PPM1L: variants seen among roughly 807,000 people sequenced by gnomAD.
The protein encoded by PPM1L is protein phosphatase 1L.
PPM1L carries 13 observed loss-of-function variants against 31.4 expected under a neutral mutation model. That is an observed-to-expected ratio of 0.41 (90% CI 0.27 to 0.66). The LOEUF (loss-of-function observed/expected upper bound fraction) is 0.66. PPM1L is among the 30% of genes least tolerant of loss of function. The pLI, the probability that PPM1L is intolerant of heterozygous loss-of-function variation, is 0.29. For missense variants in PPM1L, 326 were observed against 453.7 expected, an observed-to-expected ratio of 0.72 and a Z score of 2.56; for synonymous variants, 184 against 175.4, an observed-to-expected ratio of 1.05 and a Z score of -0.39.
intron 1 of PPM1L, among the ~76,000 whole-genome samples, chr3:160,909,070 T>C (rs1713862835): frequency 6.6e-6 from 1 of 152,228 alleles, no homozygotes; most frequent in Non-Finnish European, 1.5e-5. Context: ...GGCTAAATTG[T>C]CAAGGTCCTG....
chr3:160,816,900 T>G (rs908635164), intron 1 of PPM1L, among the ~76,000 whole-genome samples: 1 of 152,126 alleles, frequency 6.6e-6, no homozygotes, highest in Non-Finnish European at 1.5e-5. Context: ...CTGTTATGTC[T>G]GAGTCTTTTT....
chr3:161,058,026 C>A (rs1719461849), intron 2 of PPM1L, among the ~76,000 whole-genome samples: 1 of 150,120 alleles, frequency 6.7e-6, no homozygotes, highest in South Asian at 2.1e-4. Flanking sequence ...TTAATCCAAA[C>A]GTCTTGTTTT....
chr3:160,822,787 T>A (rs1431251316), intron 1 of PPM1L, among the ~76,000 whole-genome samples: 2 of 152,142 alleles, frequency 1.3e-5, no homozygotes, highest in South Asian at 2.1e-4. Flanking sequence ...TTTGTTACAT[T>A]TATTTAACAA....
At chr3:160,964,267 A>G (rs138903901) in intron 2 of PPM1L, among the ~76,000 whole-genome samples, 2 of 152,052 alleles carry the variant, frequency 1.3e-5, no homozygotes, top group East Asian at 1.9e-4. Flanking sequence ...CTAATAGCCT[A>G]TTGTTGACCA....
At chr3:161,067,467 C>T (rs1328035271) in intron 3 of PPM1L, among the ~76,000 whole-genome samples, 1 of 152,226 alleles carries the variant, frequency 6.6e-6, no homozygotes, top group East Asian at 1.9e-4. Context: ...TAAGGTCCAG[C>T]CAGTCTGGGC....
intron 1 of PPM1L, among the ~76,000 whole-genome samples, chr3:160,843,321 A>C (rs1026787798): frequency 2.0e-5 from 3 of 150,328 alleles, no homozygotes; most frequent in African/African-American, 7.3e-5. Context: ...CCCGCGGTCC[A>C]TGTGCCATAT....
At chr3:161,066,778 C>T (rs975824372) in intron 3 of PPM1L, among the ~76,000 whole-genome samples, 6 of 152,134 alleles carry the variant, frequency 3.9e-5, no homozygotes, top group African/African-American at 1.2e-4. Flanking sequence ...CATTGACTCT[C>T]GATCTCTACA....
intron 2 of PPM1L, among the ~76,000 whole-genome samples, chr3:161,015,745 A>G (rs1410229200): frequency 2.0e-5 from 3 of 152,212 alleles, no homozygotes; most frequent in African/African-American, 7.2e-5. Context: ...GGATGGGCTA[A>G]TTAAAACCTG....
intron 2 of PPM1L, among the ~76,000 whole-genome samples, chr3:161,044,475 G>A (rs1411652671): frequency 7.9e-5 from 12 of 151,848 alleles, no homozygotes; most frequent in Admixed American, 7.9e-4. Flanking sequence ...CCAGCTGGGT[G>A]CAACTCTAAT....
chr3:160,965,374 G>A (rs1015587998), intron 2 of PPM1L, among the ~76,000 whole-genome samples: 2 of 152,072 alleles, frequency 1.3e-5, no homozygotes, highest in African/African-American at 4.8e-5. Flanking sequence ...TGGTGCAAAA[G>A]TGATACACAT....
intron 1 of PPM1L, among the ~76,000 whole-genome samples, chr3:160,790,384 T>G (rs937198406): frequency 2.6e-5 from 4 of 152,148 alleles, no homozygotes; most frequent in East Asian, 3.8e-4. Context: ...TAAAAGTATT[T>G]TATCAGGGTA....
intron 1 of PPM1L, among the ~76,000 whole-genome samples, chr3:160,954,348 G>A (rs980959609): frequency 2.0e-5 from 3 of 151,408 alleles, no homozygotes; most frequent in Non-Finnish European, 2.9e-5. Context: ...TCACACATGA[G>A]GTATACAAAC....
At chr3:160,771,451 T>G (rs773294121) in intron 1 of PPM1L, among the ~76,000 whole-genome samples, 4 of 151,174 alleles carry the variant, frequency 2.6e-5, no homozygotes, top group Non-Finnish European at 5.9e-5. Flanking sequence ...CCATGTTGCC[T>G]AGGCTGGTCT....
At chr3:160,904,495 G>A (rs1261230566) in intron 1 of PPM1L, among the ~76,000 whole-genome samples, 4 of 152,136 alleles carry the variant, frequency 2.6e-5, no homozygotes, top group African/African-American at 9.7e-5. Context: ...TATTTCTCAA[G>A]TTTTCTAATT....
chr3:160,797,475 G>T (rs1001032399), intron 1 of PPM1L, among the ~76,000 whole-genome samples: 1 of 152,188 alleles, frequency 6.6e-6, no homozygotes, highest in African/African-American at 2.4e-5. Context: ...GTGAAAGGAA[G>T]AATCCCACGT....
chr3:160,911,643 G>A (rs1209427021), intron 1 of PPM1L, among the ~76,000 whole-genome samples: 1 of 152,138 alleles, frequency 6.6e-6, no homozygotes, highest in Admixed American at 6.5e-5. Context: ...CAAACCCCAG[G>A]GGGAGAGAAA....
intron 2 of PPM1L, among the ~76,000 whole-genome samples, chr3:161,014,913 G>C (rs138685519): frequency 6.6e-6 from 1 of 152,104 alleles, no homozygotes; most frequent in South Asian, 2.1e-4. Flanking sequence ...CACCACTTAC[G>C]GTGCAAAATC....
intron 1 of PPM1L, among the ~76,000 whole-genome samples, chr3:160,959,847 TAAA>T (rs1422836209): frequency 6.6e-6 from 1 of 151,804 alleles, no homozygotes. Flanking sequence ...AAAATAAAAA[TAAA>T]AAAATAAAGT....
At chr3:160,889,778 G>C (rs1158681089) in intron 1 of PPM1L, among the ~76,000 whole-genome samples, 3 of 152,168 alleles carry the variant, frequency 2.0e-5, no homozygotes, top group Non-Finnish European at 4.4e-5. Context: ...ACTGAGTTCA[G>C]TAGCATATCA....
Sources: gnomAD v4.1 joint callset for allele counts (sites outside exome capture counted in the v4.1 genomes callset) on GRCh38, gnomAD v4.1.1 for gene constraint, MANE v1.5 for transcripts, NCBI Gene and HGNC (gene_info 2026-07-23, HGNC 2026-07-21) for gene names.